Variants in EMX1 observed in about 807,000 individuals in gnomAD.
EMX1 encodes the protein empty spiracles homeobox 1.
Under a neutral mutation model 20.1 loss-of-function variants are expected in EMX1, and 10 were observed. The observed-to-expected ratio is 0.50, with a 90% confidence interval of 0.31 to 0.84. EMX1 has a LOEUF of 0.84. Among genes scored for constraint, EMX1 ranks in the 40% least tolerant of loss-of-function variants. The pLI is 0.05. For synonymous variants in EMX1, 250 were observed against 200.4 expected (o/e 1.25, Z -2.09); for missense variants, 424 against 431.9 (o/e 0.98, Z 0.16).
chr2:72,933,451 G>A (rs574601265), intron 2 of EMX1: 33 of 277,398 alleles, frequency 1.2e-4, no homozygotes, highest in African/African-American at 2.4e-4. Context: ...CATGTCTGCC[G>A]GCTTCCAGAG....
At chr2:72,926,402 A>C (rs1172779811) in intron 2 of EMX1, 4 of 661,772 alleles carry the variant, frequency 6.0e-6, no homozygotes, top group Non-Finnish European at 7.5e-6. Context: ...AACTATCAAA[A>C]CTCAGGGCTA....
upstream of EMX1, chr2:72,916,799 G>A (rs1359041290): frequency 1.4e-6 from 1 of 717,306 alleles, no homozygotes; most frequent in Non-Finnish European, 2.6e-6. Flanking sequence ...CGAGGGGGTG[G>A]ATCTCCCAGT....
rs576558563 is a variant in EMX1 at position 72,917,539 on chromosome 2, G to C, written c.-314G>C. The C allele has an allele frequency of 4.4e-3, 855 of 192,296 alleles. 4 individuals are homozygous for C. The highest frequency in any genetic ancestry group is 7.3e-3 in the Non-Finnish European group (696 of 95,416). 11.9% of individuals were successfully genotyped at this position (192,296 alleles called of 1,614,324 possible). Reference sequence around the variant, plus strand: ...CCGCTAACTCGCGCCTCGCAGCGCTGGGCGGCCGGGGCTGGGCAGGGCAGT... The same window carrying C: ...CCGCTAACTCGCGCCTCGCAGCGCTCGGCGGCCGGGGCTGGGCAGGGCAGT... On this transcript the variant is annotated 5_prime_UTR_variant, in exon 1 of 3. Transcript: ENST00000258106.
At chr2:72,924,612 C>A in intron 2 of EMX1, 119 bp downstream of exon 2, 1 of 1,230,138 alleles carries the variant, frequency 8.1e-7, no homozygotes, top group East Asian at 2.6e-5. Flanking sequence ...TCCAAAAGGC[C>A]CCCATTCCCC....
chr2:72,918,457 C>T lies in EMX1; in HGVS notation c.520+85C>T, dbSNP rs1671037552. 2.2e-6 allele frequency: 3 copies of T among 1,342,226 alleles called. No homozygotes were observed. In the East Asian group the frequency reaches 9.3e-5, roughly 42 times the overall value. 83.1% of individuals were successfully genotyped at this position (1,342,226 alleles called of 1,614,324 possible). ...GGGGGAGGCTCGGGGGCGCGCGGGG[C>T]TGTTTAGAAGTTACTGCCGGGAAGG... On this transcript the variant is annotated intron_variant, in intron 1 of 2. Transcript: ENST00000258106.
chr2:72,927,155 G>A (rs1479553284), intron 2 of EMX1, among the ~76,000 whole-genome samples: 1 of 152,138 alleles, frequency 6.6e-6, no homozygotes, highest in Non-Finnish European at 1.5e-5. Context: ...TTAGTTATAT[G>A]TTCTTCCTAA....
At chr2:72,931,939 CAG>C (rs1360940321) in intron 2 of EMX1, among the ~76,000 whole-genome samples, 1 of 152,226 alleles carries the variant, frequency 6.6e-6, no homozygotes, top group Non-Finnish European at 1.5e-5. Flanking sequence ...GTAGGTGGGA[CAG>C]AGAGGACTGC....
At chr2:72,917,251 C>T (rs1267750936), upstream of EMX1, among the ~76,000 whole-genome samples, 1 of 151,970 alleles carries the variant, frequency 6.6e-6, no homozygotes, top group African/African-American at 2.4e-5. Context: ...GAGTTTAGCC[C>T]CAAGCCCTTC....
intron 1 of EMX1, among the ~76,000 whole-genome samples, chr2:72,920,664 C>T (rs575301536): frequency 6.6e-6 from 1 of 152,382 alleles, no homozygotes; most frequent in Admixed American, 6.5e-5. Context: ...TGTCTGCGCT[C>T]TCTGCGCAGC....
chr2:72,921,217 G>C (rs1671098161), intron 1 of EMX1, among the ~76,000 whole-genome samples: 1 of 152,208 alleles, frequency 6.6e-6, no homozygotes, highest in Non-Finnish European at 1.5e-5. Context: ...GGCCCTAAAA[G>C]AGTGGCTGTA....
chr2:72,925,040 G>C (rs1032038583), intron 2 of EMX1, among the ~76,000 whole-genome samples: 1 of 152,226 alleles, frequency 6.6e-6, no homozygotes, highest in African/African-American at 2.4e-5. Flanking sequence ...CAACAGAGGG[G>C]CTTAACCAGG....
upstream of EMX1, chr2:72,916,533 C>A (rs922216359): frequency 5.0e-6 from 3 of 605,986 alleles, no homozygotes; most frequent in African/African-American, 5.5e-5. Context: ...CACAGCCTGT[C>A]GTGAGAACTG....
intron 1 of EMX1, among the ~76,000 whole-genome samples, chr2:72,920,398 C>T (rs1357568923): frequency 6.6e-6 from 1 of 152,220 alleles, no homozygotes; most frequent in Admixed American, 6.5e-5. Flanking sequence ...CATTTTCGGA[C>T]CCGGAAATCC....
chr2:72,922,661 G>A (rs1671124079), intron 1 of EMX1, among the ~76,000 whole-genome samples: 1 of 152,220 alleles, frequency 6.6e-6, no homozygotes, highest in Admixed American at 6.5e-5. Context: ...GCAAAAACTT[G>A]GCTTCTTTAG....
At chr2:72,922,179 A>C (rs1278558369) in intron 1 of EMX1, among the ~76,000 whole-genome samples, 3 of 152,214 alleles carry the variant, frequency 2.0e-5, no homozygotes, top group Non-Finnish European at 4.4e-5. Context: ...TCTCTGGTTC[A>C]TTTGTCCAGA....
In EMX1 at chr2:72,918,107, C is replaced by T; in HGVS notation, c.255C>T (p.Tyr85=). 6.8e-7 allele frequency: 1 copy of T among 1,475,568 alleles called. No individual in the cohort carries two copies. Among genetic ancestry groups the T allele is most frequent in the Non-Finnish European group, 8.9e-7 (1 of 1,123,898 alleles). 91.4% of individuals were successfully genotyped at this position (1,475,568 alleles called of 1,614,324 possible). A position where few individuals can be genotyped will look rare whatever the true frequency, so the allele number is the denominator to read the frequency against. Residue 85 remains tyrosine, a synonymous_variant, in exon 1 of 3, where the codon TAC becomes TAT. Coordinates refer to ENST00000258106, the MANE Select transcript of EMX1 (RefSeq NM_004097.3). ...CGCTCCGGCCCACGGCGCTCAACTACCCTCACCCCAGCGCGGCCGAGGCGG... is the reference window on the plus strand; with the variant it reads ...CGCTCCGGCCCACGGCGCTCAACTATCCTCACCCCAGCGCGGCCGAGGCGG... The part of the protein sequence containing the change: ...EEPLRPTALN[Y]PHPSAAEAAF...
Position 72,934,168 on chromosome 2 carries a change from A to G in EMX1, c.*214A>G. ...GGACCACTTGGCCTTCTCCTCGGAGAGCCTGCCTGCCTGGGCGGGCCCGCC... is the reference window on the plus strand; with the variant it reads ...GGACCACTTGGCCTTCTCCTCGGAGGGCCTGCCTGCCTGGGCGGGCCCGCC... On this transcript the variant is annotated 3_prime_UTR_variant, in exon 3 of 3. Transcript: ENST00000258106. The G allele has an allele frequency of 1.5e-6, 1 of 656,008 alleles. No homozygotes were observed. Among genetic ancestry groups the G allele is most frequent in the Non-Finnish European group, 2.4e-6 (1 of 411,042 alleles). 40.6% of individuals were successfully genotyped at this position (656,008 alleles called of 1,614,324 possible).
chr2:72,916,995 C>A, upstream of EMX1: 1 of 705,354 alleles, frequency 1.4e-6, no homozygotes, highest in Non-Finnish European at 2.7e-6. Context: ...TCCCCCGTGA[C>A]ATCCAGAAAA....
intron 2 of EMX1, chr2:72,925,488 C>T: frequency 4.7e-6 from 6 of 1,288,928 alleles, no homozygotes; most frequent in Non-Finnish European, 6.1e-6. Context: ...AGCTGCTGCC[C>T]TGGAGGTGGA....
Sources: gnomAD v4.1 joint callset for allele counts (sites outside exome capture counted in the v4.1 genomes callset) on GRCh38, gnomAD v4.1.1 for gene constraint, MANE v1.5 for transcripts, NCBI Gene and HGNC (gene_info 2026-07-23, HGNC 2026-07-21) for gene names.